Variants in XKR4 observed in about 807,000 individuals in gnomAD.
The protein encoded by XKR4 is XK related 4.
Under a neutral mutation model 53.9 loss-of-function variants are expected in XKR4, and 12 were observed. The ratio of observed to expected loss-of-function variants is 0.22; its 90% CI spans 0.14 to 0.36. XKR4 has a LOEUF of 0.36. XKR4 is among the 10% of genes least tolerant of loss of function. The pLI, the probability that XKR4 is intolerant of heterozygous loss-of-function variation, is 1.00. For missense variants in XKR4, 799 were observed against 859.5 expected, an observed-to-expected ratio of 0.93 and a Z score of 0.88; for synonymous variants, 354 against 362.4, an observed-to-expected ratio of 0.98 and a Z score of 0.26.
chr8:55,342,152 A>T (rs1803559041), intron 1 of XKR4, among the ~76,000 whole-genome samples: 2 of 147,094 alleles, frequency 1.4e-5, no homozygotes, highest in South Asian at 4.4e-4. Flanking sequence ...TCTTTCCAGG[A>T]GCTCAGGGCA....
chr8:55,349,843 T>A (rs1803701749), intron 1 of XKR4, among the ~76,000 whole-genome samples: 1 of 152,200 alleles, frequency 6.6e-6, no homozygotes, highest in Admixed American at 6.5e-5. Flanking sequence ...TTACAATATA[T>A]ATCAAAAGCT....
chr8:55,390,500 C>T (rs1191881412), intron 2 of XKR4, among the ~76,000 whole-genome samples: 1 of 152,084 alleles, frequency 6.6e-6, no homozygotes, highest in African/African-American at 2.4e-5. Flanking sequence ...TATAGGAAAC[C>T]TTAATGTTGT....
rs539206675 is a variant in XKR4 at position 55,469,018 on chromosome 8, C to T, written c.1007-54263C>T. On this transcript the variant is annotated intron_variant, in intron 2 of 2. Coordinates refer to ENST00000327381, the MANE Select transcript of XKR4 (RefSeq NM_052898.2). ...TATTTATTGGATTTGTACCACAGTC[C>T]TTGGTATGCAGGCATGAAAAAAGGA... is the stretch of plus-strand genomic sequence containing the variant. 2.5e-3 allele frequency among the ~76,000 whole-genome samples: 376 copies of T among 152,198 alleles called. 1 individual carries two copies. Among genetic ancestry groups the T allele is most frequent in the Non-Finnish European group, 4.0e-3 (275 of 68,022 alleles).
intron 2 of XKR4, among the ~76,000 whole-genome samples, chr8:55,456,763 A>T (rs1414761470): frequency 6.6e-6 from 1 of 152,208 alleles, no homozygotes; most frequent in South Asian, 2.1e-4. Context: ...TTGAATAAAC[A>T]TAGCATCAAA....
chr8:55,399,117 A>C (rs1043452634), intron 2 of XKR4, among the ~76,000 whole-genome samples: 5 of 152,182 alleles, frequency 3.3e-5, no homozygotes, highest in Admixed American at 2.6e-4. Context: ...CACAAAGAAA[A>C]AGATTTATTT....
At chr8:55,480,090 C>T (rs1208361877) in intron 2 of XKR4, among the ~76,000 whole-genome samples, 1 of 152,090 alleles carries the variant, frequency 6.6e-6, no homozygotes. Flanking sequence ...CTGGCAGAGA[C>T]ACCAACAAAA....
intron 1 of XKR4, among the ~76,000 whole-genome samples, chr8:55,329,409 A>G (rs997802969): frequency 6.6e-6 from 1 of 151,256 alleles, no homozygotes; most frequent in Non-Finnish European, 1.5e-5. Context: ...CTCATCAGGT[A>G]TCGTCAGTGT....
chr8:55,189,343 T>C (rs1817415468), intron 1 of XKR4, among the ~76,000 whole-genome samples: 1 of 152,130 alleles, frequency 6.6e-6, no homozygotes, highest in Admixed American at 6.5e-5. Flanking sequence ...GAGGCACAGC[T>C]AATGTATGAG....
chr8:55,234,258 G>C (rs927490614), intron 1 of XKR4, among the ~76,000 whole-genome samples: 1 of 152,180 alleles, frequency 6.6e-6, no homozygotes, highest in African/African-American at 2.4e-5. Flanking sequence ...CCTCCAAAAA[G>C]AAATTGTTCC....
At chr8:55,158,548 G>A (rs1006844630) in intron 1 of XKR4, among the ~76,000 whole-genome samples, 1 of 152,058 alleles carries the variant, frequency 6.6e-6, no homozygotes, top group Admixed American at 6.6e-5. Flanking sequence ...ATTGCTTTTG[G>A]CAATTTTGTC....
intron 1 of XKR4, among the ~76,000 whole-genome samples, chr8:55,202,463 A>G (rs1271145338): frequency 1.3e-5 from 2 of 152,244 alleles, no homozygotes; most frequent in African/African-American, 4.8e-5. Context: ...CTTCCAGACA[A>G]TTCCAGGCCA....
At chr8:55,217,101 G>T (rs1817811709) in intron 1 of XKR4, among the ~76,000 whole-genome samples, 1 of 151,846 alleles carries the variant, frequency 6.6e-6, no homozygotes, top group Admixed American at 6.6e-5. Context: ...ACTTAGCCGG[G>T]CGTGGTGGCG....
At chr8:55,521,307 G>T (rs1806793746) in intron 2 of XKR4, among the ~76,000 whole-genome samples, 1 of 152,200 alleles carries the variant, frequency 6.6e-6, no homozygotes, top group Non-Finnish European at 1.5e-5. Context: ...ATCCCCAAGT[G>T]ATAATAAAGA....
intron 1 of XKR4, among the ~76,000 whole-genome samples, chr8:55,300,971 A>AT (rs1819184987): frequency 2.6e-5 from 4 of 152,134 alleles, no homozygotes; most frequent in Admixed American, 2.6e-4. Flanking sequence ...CACTGTTCTC[A>AT]TCAGACACTT....
At chr8:55,351,925 T>C (rs1330522632) in intron 1 of XKR4, among the ~76,000 whole-genome samples, 2 of 152,194 alleles carry the variant, frequency 1.3e-5, no homozygotes, top group South Asian at 2.1e-4. Flanking sequence ...AAATTGCAAA[T>C]ATTGCATGTG....
intron 2 of XKR4, among the ~76,000 whole-genome samples, chr8:55,375,942 A>C (rs35918565): frequency 0.021 from 3,225 of 152,130 alleles, 65 homozygotes; most frequent in Non-Finnish European, 0.035. Flanking sequence ...ACGTGTTCTC[A>C]TTGTTCAGCT....
rs1052015569 is a variant in XKR4, at chr8:55,524,561, A to G, written c.*334A>G. ...TGCCTCCAATCATTAGGGTGTCTTG[A>G]TGGCGTTAACTGATCTTTCCATAAA... On this transcript the variant is annotated 3_prime_UTR_variant, in exon 3 of 3. Coordinates refer to ENST00000327381, the MANE Select transcript of XKR4 (RefSeq NM_052898.2). The G allele has an allele frequency of 6.8e-6, 2 of 294,326 alleles. No individual in the cohort carries two copies. The highest frequency in any genetic ancestry group is 9.4e-5 in the Admixed American group (2 of 21,188). 18.2% of individuals were successfully genotyped at this position (294,326 alleles called of 1,614,324 possible).
chr8:55,358,747 G>A (rs541474606), intron 2 of XKR4, among the ~76,000 whole-genome samples: 1 of 152,366 alleles, frequency 6.6e-6, no homozygotes, highest in East Asian at 1.9e-4. Context: ...CGTATTGTAA[G>A]GTGCTCGTTT....
chr8:55,539,151 A>G lies in XKR4; in HGVS notation c.*14924A>G, dbSNP rs1166116618. On this transcript the variant is annotated 3_prime_UTR_variant, in exon 3 of 3. Coordinates refer to ENST00000327381, the MANE Select transcript of XKR4 (RefSeq NM_052898.2). The stretch of plus-strand genomic sequence containing the variant: ...ATAAGAACTAATGTGAAATAACATC[A>G]TTTTGGTTTATAAATATTTGTAATT... 3 of 152,222 alleles carry G rather than the reference A, an allele frequency of 2.0e-5. No homozygotes were observed. Among genetic ancestry groups the G allele is most frequent in the Non-Finnish European group, 4.4e-5 (3 of 68,042 alleles). The allele number at this position is 152,222 out of a possible 1,614,324, so 9.4% of individuals were successfully genotyped here.
Sources: allele counts gnomAD v4.1 joint callset (sites outside exome capture counted in the v4.1 genomes callset), GRCh38; gene constraint gnomAD v4.1.1; transcripts MANE v1.5; gene names NCBI Gene and HGNC (gene_info 2026-07-23, HGNC 2026-07-21).